Variants in CTSO observed in about 807,000 individuals in gnomAD.
The protein encoded by CTSO is cathepsin O.
Under a neutral mutation model 42.4 loss-of-function variants are expected in CTSO, and 40 were observed. The observed-to-expected ratio is 0.94, with a 90% CI of 0.73 to 1.23. CTSO has a LOEUF of 1.23. Among genes scored for constraint, CTSO ranks in the 50% most tolerant of loss-of-function variants. The pLI is 0.00. For synonymous variants in CTSO, 156 were observed against 146.2 expected, an observed-to-expected ratio of 1.07 and a Z score of -0.48; for missense variants, 441 against 396.0, an observed-to-expected ratio of 1.11 and a Z score of -0.96.
Position 155,929,595 on chromosome 4 carries a change from C to A in CTSO, c.785G>T (p.Cys262Phe). 6.2e-7 allele frequency: 1 copy of A among 1,613,926 alleles called. No individual in the cohort carries two copies. The highest frequency in any genetic ancestry group is 1.3e-5 in the African/African-American group (1 of 75,058). ...DYLGGIIQHH[C>F]SSGEANHAVL... The stretch of plus-strand genomic sequence containing the variant: ...TGCATGATTTGCTTCTCCACTAGAG[C>A]AGTGATGCTGTATAATGCCTCCCAG... The change falls in exon 6 of 8, where the codon TGC (cysteine) becomes TTC (phenylalanine). Residue 262 changes from cysteine (C) to phenylalanine (F), a missense_variant. By Grantham distance (205) the Cys-to-Phe change is radical (BLOSUM62 -2). Coordinates refer to ENST00000433477, the MANE Select transcript of CTSO (RefSeq NM_001334.3).
chr4:155,949,356 C>G (rs1743605686), intron 1 of CTSO, among the ~76,000 whole-genome samples: 1 of 152,138 alleles, frequency 6.6e-6, no homozygotes, highest in Admixed American at 6.5e-5. Context: ...AGGCAGTGAA[C>G]ATCTATTATT....
chr4:155,927,207 C>A (rs868544375), intron 7 of CTSO, among the ~76,000 whole-genome samples: 3 of 152,178 alleles, frequency 2.0e-5, no homozygotes, highest in Admixed American at 6.5e-5. Context: ...AGTCATTGAA[C>A]ATAAACTTTC....
chr4:155,943,022 G>A (rs532103966), intron 2 of CTSO, 134 bp downstream of exon 2: 10 of 618,150 alleles, frequency 1.6e-5, no homozygotes, highest in African/African-American at 1.3e-4. Context: ...CATGGTACAT[G>A]CCTGACATTT....
At chr4:155,933,469 C>T (rs942232735) in intron 5 of CTSO, among the ~76,000 whole-genome samples, 1 of 152,054 alleles carries the variant, frequency 6.6e-6, no homozygotes, top group Non-Finnish European at 1.5e-5. Context: ...TGGGGCACTG[C>T]TGAAAAGATA....
intron 7 of CTSO, among the ~76,000 whole-genome samples, chr4:155,927,842 T>C (rs1743158403): frequency 6.6e-6 from 1 of 151,952 alleles, no homozygotes. Flanking sequence ...TCAATTCTAG[T>C]GGGTGTTTTG....
chr4:155,945,748 A>G (rs1304097912), intron 1 of CTSO, among the ~76,000 whole-genome samples: 2 of 152,220 alleles, frequency 1.3e-5, no homozygotes, highest in African/African-American at 4.8e-5. Flanking sequence ...TAGACACAAA[A>G]TCCTTAACAA....
chr4:155,941,430 T>A (rs1014976748), intron 3 of CTSO, among the ~76,000 whole-genome samples: 1 of 152,178 alleles, frequency 6.6e-6, no homozygotes, highest in Admixed American at 6.5e-5. Context: ...TCCTTCCTAG[T>A]TCAAAGGCAC....
At chr4:155,941,396 C>T (rs1460609087) in intron 3 of CTSO, among the ~76,000 whole-genome samples, 1 of 152,188 alleles carries the variant, frequency 6.6e-6, no homozygotes, top group Admixed American at 6.5e-5. Flanking sequence ...AGGTCATACC[C>T]ACCCACATCT....
Position 155,953,762 on chromosome 4 carries a change from AAGG to A in CTSO, c.83_85del (p.Pro28_Phe29delinsLeu). 7.6e-7 allele frequency: 1 copy of A among 1,321,004 alleles called. No homozygotes were observed. 81.8% of individuals were successfully genotyped at this position (1,321,004 alleles called of 1,614,324 possible). A position where few individuals can be genotyped will look rare whatever the true frequency, so the allele number is the denominator to read the frequency against. ...GCGGCTCCGCGGCCAGGTCGGGGTG[AAGG>A]GGGCGCGGGAGTCCGCATCGCCGCC... On this transcript the variant is annotated inframe_deletion, in exon 1 of 8. Transcript: ENST00000433477.
In CTSO at chr4:155,939,665, C is replaced by A; in HGVS notation, c.385-127G>T. ...TCTGGAAACCTACAAAATAAATACG[C>A]CTATCCTCTAGATTTTTAAACTGAA... is the stretch of plus-strand genomic sequence containing the variant. On this transcript the variant is annotated intron_variant, in intron 3 of 7. Transcript: ENST00000433477. The A allele has an allele frequency of 2.8e-6, 2 of 722,616 alleles. 1 individual carries two copies. Among genetic ancestry groups the A allele is most frequent in the Non-Finnish European group, 4.3e-6 (2 of 469,392 alleles). 44.8% of individuals were successfully genotyped at this position (722,616 alleles called of 1,614,324 possible).
At chr4:155,932,378 C>A (rs1743251660) in intron 5 of CTSO, among the ~76,000 whole-genome samples, 2 of 152,094 alleles carry the variant, frequency 1.3e-5, no homozygotes, top group Admixed American at 1.3e-4. Context: ...ATGGCTCTCC[C>A]TGAGTCTCAG....
chr4:155,926,743 A>C (rs1403801241), intron 7 of CTSO, among the ~76,000 whole-genome samples: 2 of 152,188 alleles, frequency 1.3e-5, no homozygotes, highest in African/African-American at 2.4e-5. Flanking sequence ...AAAGATTTAC[A>C]TTATGAAAGC....
chr4:155,950,869 C>T (rs534840525), intron 1 of CTSO, among the ~76,000 whole-genome samples: 3 of 151,634 alleles, frequency 2.0e-5, no homozygotes, highest in South Asian at 2.1e-4. Flanking sequence ...CACCCCAGTC[C>T]GTGGAAAAAT....
chr4:155,943,130 A>G (rs780089666), intron 2 of CTSO, 26 bp downstream of exon 2: 1 of 1,357,592 alleles, frequency 7.4e-7, no homozygotes, highest in Non-Finnish European at 1.0e-6. Flanking sequence ...TCAGGAAACC[A>G]CCTAAATAGC....
rs745330152 is a variant in CTSO at position 155,939,439 on chromosome 4, C to T, written c.484G>A (p.Asp162Asn). Residue 162 changes from aspartate (D) to asparagine (N), a missense_variant, in exon 4 of 8, where the codon GAC becomes AAC. Asp to Asn is a conservative substitution (Grantham distance 23). Transcript: ENST00000433477. ...CAGCCATAATTATTATACGAACAGT[C>T]AATGACCTGCTGGACACTTAGGTCT... ...LEDLSVQQVI[D>N]CSYNNYGCNG... 2.5e-6 allele frequency: 4 copies of T among 1,614,150 alleles called. No homozygotes were observed. The highest frequency in any genetic ancestry group is 1.3e-5 in the African/African-American group (1 of 75,044).
chr4:155,936,519 G>A (rs537973063), intron 5 of CTSO, among the ~76,000 whole-genome samples: 1 of 152,138 alleles, frequency 6.6e-6, no homozygotes, highest in Non-Finnish European at 1.5e-5. Flanking sequence ...AGACTGCAAA[G>A]TTCCCATCAT....
intron 7 of CTSO, 136 bp downstream of exon 7, chr4:155,928,187 CCTCTTGCAAAACA>C (rs959361962): frequency 2.5e-5 from 12 of 474,006 alleles, no homozygotes; most frequent in Non-Finnish European, 4.0e-5. Flanking sequence ...TTTAACAGTT[CCTCTTGCAAAACA>C]CTTTTTTTTT....
intron 1 of CTSO, among the ~76,000 whole-genome samples, chr4:155,949,035 T>C (rs1743599977): frequency 6.6e-6 from 1 of 152,246 alleles, no homozygotes; most frequent in Non-Finnish European, 1.5e-5. Flanking sequence ...GAGCAAACTG[T>C]TGAGTTTTCA....
At chr4:155,951,926 A>C (rs1170869563) in intron 1 of CTSO, among the ~76,000 whole-genome samples, 1 of 152,130 alleles carries the variant, frequency 6.6e-6, no homozygotes, top group Non-Finnish European at 1.5e-5. Context: ...CCATGGAAAA[A>C]ATGTCTTCCA....
Sources: gnomAD v4.1 joint callset for allele counts (sites outside exome capture counted in the v4.1 genomes callset) on GRCh38, gnomAD v4.1.1 for gene constraint, MANE v1.5 for transcripts, NCBI Gene and HGNC (gene_info 2026-07-23, HGNC 2026-07-21) for gene names.